The following EPHA6 variants were observed in gnomAD, a reference collection of about 807,000 sequenced individuals.
The protein encoded by EPHA6 is EPH receptor A6.
A neutral mutation model predicts 112.0 loss-of-function variants in EPHA6; 50 were observed. The observed-to-expected ratio is 0.45, with a 90% CI of 0.36 to 0.56. EPHA6 has a LOEUF of 0.56. EPHA6 is among the 20% of genes least tolerant of loss of function. EPHA6 has a pLI of 0.00. For synonymous variants in EPHA6, 529 were observed against 490.7 expected (o/e 1.08, Z -1.03); for missense variants, 1,280 against 1,417.4 (o/e 0.90, Z 1.56).
chr3:97,534,493 G>A (rs1278435622), intron 11 of EPHA6, among the ~76,000 whole-genome samples: 1 of 111,458 alleles, frequency 9.0e-6, no homozygotes, highest in Non-Finnish European at 1.8e-5. Flanking sequence ...ATATCCCTTT[G>A]AATGAGTTTT....
intron 3 of EPHA6, among the ~76,000 whole-genome samples, chr3:97,175,283 T>C (rs563132464): frequency 6.6e-6 from 1 of 152,106 alleles, no homozygotes; most frequent in South Asian, 2.1e-4. Flanking sequence ...AGTACCATGC[T>C]GTTTTGGTTA....
At position 97,756,953 on chromosome 3, in the gene EPHA6, A is replaced by G. The variant is rs1287062391; in HGVS notation, c.*8252A>G. ...CATACTTATTTTTAATTTTGTGTAC[A>G]GTGAAAACTTTGACAGTTTAATTTT... On this transcript the variant is annotated 3_prime_UTR_variant, in exon 18 of 18. Coordinates refer to ENST00000389672, the MANE Select transcript of EPHA6 (RefSeq NM_001080448.3). Among the ~76,000 whole-genome samples, 5 of 151,900 alleles carry G rather than the reference A, an allele frequency of 3.3e-5. No homozygotes were observed. The highest frequency in any genetic ancestry group is 3.3e-4 in the Admixed American group (5 of 15,262).
At chr3:97,592,311 T>C (rs1403322825) in intron 11 of EPHA6, among the ~76,000 whole-genome samples, 1 of 152,188 alleles carries the variant, frequency 6.6e-6, no homozygotes, top group East Asian at 1.9e-4. Context: ...ATGACTAGCA[T>C]TTATATCCAT....
intron 2 of EPHA6, among the ~76,000 whole-genome samples, chr3:96,887,793 T>C (rs1245395899): frequency 1.3e-5 from 2 of 151,992 alleles, no homozygotes; most frequent in Non-Finnish European, 2.9e-5. Context: ...GGGGGTGAGA[T>C]TCCCAGGTCC....
chr3:97,649,716 A>G (rs1576201034), intron 14 of EPHA6, among the ~76,000 whole-genome samples: 1 of 152,132 alleles, frequency 6.6e-6, no homozygotes, highest in East Asian at 1.9e-4. Context: ...AAATTCATCT[A>G]TTAAGAAAAG....
intron 11 of EPHA6, chr3:97,569,903 GGC>G (rs1263940452): frequency 1.3e-5 from 2 of 152,088 alleles, no homozygotes; most frequent in African/African-American, 4.8e-5. Context: ...TAACACCCAT[GGC>G]TTTTCTCTCT....
chr3:97,554,363 C>T (rs531441896), intron 11 of EPHA6, among the ~76,000 whole-genome samples: 52 of 152,182 alleles, frequency 3.4e-4, no homozygotes, highest in Non-Finnish European at 5.7e-4. Flanking sequence ...TTTATATCTA[C>T]ACTTATATAT....
chr3:97,720,202 AC>A, intron 14 of EPHA6, 58 bp from the exon 15 acceptor site: 2 of 1,383,952 alleles, frequency 1.4e-6, no homozygotes, highest in Admixed American at 5.3e-5. Context: ...TAATTGGAAT[AC>A]CATTTTGTTT....
At chr3:97,410,281 A>G (rs2087631278) in intron 6 of EPHA6, among the ~76,000 whole-genome samples, 2 of 152,104 alleles carry the variant, frequency 1.3e-5, no homozygotes, top group Admixed American at 6.6e-5. Flanking sequence ...AATCAGTAAC[A>G]TGCATCTTTG....
At position 96,885,172 on chromosome 3, in the gene EPHA6, G is replaced by A. The variant is rs560347509; in HGVS notation, c.450+18283G>A. 4.6e-5 allele frequency among the ~76,000 whole-genome samples: 7 copies of A among 152,170 alleles called. No homozygotes were observed. The South Asian group carries it at 8.3e-4, about 18-fold the overall frequency. On this transcript the variant is annotated intron_variant, in intron 2 of 17. Coordinates refer to ENST00000389672, the MANE Select transcript of EPHA6 (RefSeq NM_001080448.3). ...AGGATGTATGTTCATCAAGGATATC[G>A]GTCTGTAGTTTTTGTTTTTGGTTAT...
At chr3:97,577,673 A>AT (rs1189992811) in intron 11 of EPHA6, among the ~76,000 whole-genome samples, 1 of 152,196 alleles carries the variant, frequency 6.6e-6, no homozygotes. Flanking sequence ...ACCAGTTAAA[A>AT]TTTTTATCTC....
At chr3:96,919,221 G>A (rs2039637361) in intron 2 of EPHA6, among the ~76,000 whole-genome samples, 1 of 151,814 alleles carries the variant, frequency 6.6e-6, no homozygotes, top group Non-Finnish European at 1.5e-5. Context: ...AATATCAAGA[G>A]TAATAATTAG....
intron 3 of EPHA6, among the ~76,000 whole-genome samples, chr3:97,144,672 A>G (rs750195564): frequency 8.6e-5 from 13 of 151,512 alleles, no homozygotes; most frequent in Non-Finnish European, 1.5e-4. Context: ...ATTTTATCTT[A>G]AAATTAATAA....
At chr3:97,725,800 C>T (rs949709381) in intron 15 of EPHA6, among the ~76,000 whole-genome samples, 18 of 152,006 alleles carry the variant, frequency 1.2e-4, no homozygotes, top group African/African-American at 3.4e-4. Context: ...GATGTTGTCC[C>T]GTCATCAACA....
At chr3:97,440,402 T>C (rs1265226582) in intron 6 of EPHA6, among the ~76,000 whole-genome samples, 1 of 151,942 alleles carries the variant, frequency 6.6e-6, no homozygotes, top group Non-Finnish European at 1.5e-5. Flanking sequence ...ATATAGCATA[T>C]TGCTCCTAAA....
At chr3:97,644,473 C>A (rs2094039623) in intron 14 of EPHA6, among the ~76,000 whole-genome samples, 1 of 151,462 alleles carries the variant, frequency 6.6e-6, no homozygotes, top group African/African-American at 2.4e-5. Context: ...ACACAAAAAA[C>A]CCTTCAAAAA....
intron 10 of EPHA6, among the ~76,000 whole-genome samples, chr3:97,524,724 TCTGAAGGA>T (rs1291540176): frequency 1.3e-5 from 2 of 152,178 alleles, no homozygotes; most frequent in Non-Finnish European, 2.9e-5. Flanking sequence ...ATTTTTCATT[TCTGAAGGA>T]CTGTGTTGCT....
At chr3:97,169,315 A>G (rs1011955823) in intron 3 of EPHA6, among the ~76,000 whole-genome samples, 4 of 152,026 alleles carry the variant, frequency 2.6e-5, no homozygotes, top group African/African-American at 9.7e-5. Flanking sequence ...ATGGTAGTTT[A>G]GCTAAGACAC....
chr3:96,969,112 A>G (rs1307705103), intron 2 of EPHA6, among the ~76,000 whole-genome samples: 1 of 151,894 alleles, frequency 6.6e-6, no homozygotes, highest in Non-Finnish European at 1.5e-5. Flanking sequence ...CTAATTTGAT[A>G]TACTAAGATA....
Sources: gnomAD v4.1 joint callset for allele counts (sites outside exome capture counted in the v4.1 genomes callset) on GRCh38, gnomAD v4.1.1 for gene constraint, MANE v1.5 for transcripts, NCBI Gene and HGNC (gene_info 2026-07-23, HGNC 2026-07-21) for gene names.